The following CLCA2 variants were observed in gnomAD, a reference collection of about 807,000 sequenced individuals.
CLCA2 encodes the protein chloride channel accessory 2.
Under a neutral mutation model 82.9 loss-of-function variants are expected in CLCA2, and 85 were observed. The ratio of observed to expected loss-of-function variants is 1.03; its 90% CI spans 0.86 to 1.23. The LOEUF (loss-of-function observed/expected upper bound fraction) is 1.23, where lower values mean the gene tolerates loss of function less well. CLCA2 is among the 50% of genes most tolerant of loss of function. The pLI, the probability that CLCA2 is intolerant of heterozygous loss-of-function variation, is 0.00. For missense variants in CLCA2, 1,089 were observed against 1,124.8 expected (o/e 0.97, Z 0.45); for synonymous variants, 421 against 391.7 (o/e 1.07, Z -0.88).
chr1:86,450,623 A>G lies in CLCA2; in HGVS notation c.2045A>G (p.Asn682Ser). Residue 682 changes from asparagine (N) to serine (S), a missense_variant, in exon 12 of 14, where the codon AAT (asparagine) becomes AGT (serine). Transcript: ENST00000370565. ...AGGTATTTTTTCTCCTTTGCTGCAA[A>G]TGGTAGATATAGCTTGAAAGTGCAT... The part of the protein sequence containing the change: ...YSRYFFSFAA[N>S]GRYSLKVHVN... 1 of 1,613,160 alleles carries G rather than the reference A, an allele frequency of 6.2e-7. No homozygotes were observed. Among genetic ancestry groups the G allele is most frequent in the Non-Finnish European group, 8.5e-7 (1 of 1,179,484 alleles).
intron 4 of CLCA2, among the ~76,000 whole-genome samples, chr1:86,431,998 C>T (rs772075615): frequency 5.9e-5 from 9 of 152,180 alleles, no homozygotes; most frequent in Non-Finnish European, 1.0e-4. Context: ...TGCAATGGCA[C>T]GATTTCGGCT....
At position 86,439,480 on chromosome 1, in the gene CLCA2, G is replaced by C. The variant is rs144289754; in HGVS notation, c.1203+374G>C. On this transcript the variant is annotated intron_variant, in intron 7 of 13. Transcript: ENST00000370565. ...GTCAAAATCAGCATGTCTAGCTTCT[G>C]TCTATAGTCATTCTAGACTTCACGC... Among the ~76,000 whole-genome samples the C allele has an allele frequency of 2.9e-3, 437 of 152,262 alleles. 1 individual carries two copies. Among genetic ancestry groups the C allele is most frequent in the Non-Finnish European group, 3.1e-3 (210 of 68,020 alleles).
In CLCA2 at chr1:86,455,140, T is replaced by C. The variant is rs773185036; in HGVS notation, c.2445T>C (p.Phe815=). 6.2e-7 allele frequency: 1 copy of C among 1,610,164 alleles called. No individual in the cohort carries two copies. Among genetic ancestry groups the C allele is most frequent in the South Asian group, 1.1e-5 (1 of 90,674 alleles). Residue 815 remains phenylalanine (F), a synonymous_variant, in exon 14 of 14, where the codon TTT becomes TTC. Transcript: ENST00000370565. ...GTCTACAGAATATCCAAGATGACTT[T>C]AACAATGCTATTTTAGTAAATACAT... ...SKSLQNIQDD[F]NNAILVNTSK... is the part of the protein sequence containing the mutation.
At chr1:86,424,743 G>A (rs1662357002) in intron 1 of CLCA2, among the ~76,000 whole-genome samples, 1 of 152,108 alleles carries the variant, frequency 6.6e-6, no homozygotes. Flanking sequence ...ACAACCCATT[G>A]TGGCAACAAA....
In CLCA2 at chr1:86,432,417, C is replaced by T. The variant is rs1288731332; in HGVS notation, c.633C>T (p.Cys211=). 6.2e-7 allele frequency: 1 copy of T among 1,613,914 alleles called. No homozygotes were observed. The highest frequency in any genetic ancestry group is 1.7e-5 in the Admixed American group (1 of 60,000). ...TTTTTGTGTGTGAAAAAGGTCCTTG[C>T]CCCCAAGAAAACTGTATTATTAGTA... ...TGIFVCEKGP[C]PQENCIISKL... is the part of the protein sequence containing the mutation. The change falls in exon 5 of 14, where the codon TGC becomes TGT. Residue 211 remains cysteine, a synonymous_variant. Transcript: ENST00000370565.
intron 5 of CLCA2, 57 bp downstream of exon 5, chr1:86,432,585 C>T: frequency 6.4e-7 from 1 of 1,554,078 alleles, no homozygotes; most frequent in East Asian, 2.3e-5. Context: ...TCCCATGTTT[C>T]AAGTATTTAA....
chr1:86,435,189 G>C (rs563415765), intron 6 of CLCA2, among the ~76,000 whole-genome samples: 2 of 152,214 alleles, frequency 1.3e-5, no homozygotes, highest in Admixed American at 6.5e-5. Context: ...TATTTTTTGG[G>C]GGTTGGGAGG....
chr1:86,424,534 C>T (rs1261923348), intron 1 of CLCA2, 101 bp downstream of exon 1: 1 of 932,248 alleles, frequency 1.1e-6, no homozygotes, highest in African/African-American at 1.7e-5. Flanking sequence ...TTGAGTAATA[C>T]AGAGAACAGC....
intron 8 of CLCA2, among the ~76,000 whole-genome samples, chr1:86,440,748 A>C (rs1015479215): frequency 6.6e-6 from 1 of 152,058 alleles, no homozygotes; most frequent in Non-Finnish European, 1.5e-5. Context: ...TAAAAATACA[A>C]AAATTAGCAG....
intron 8 of CLCA2, 126 bp downstream of exon 8, chr1:86,440,451 C>A: frequency 2.3e-6 from 2 of 880,722 alleles, no homozygotes; most frequent in South Asian, 1.9e-5. Flanking sequence ...AAAACGCACA[C>A]ACATATTGCT....
chr1:86,445,627 C>A (rs1480018580), intron 10 of CLCA2: 1 of 152,010 alleles, frequency 6.6e-6, no homozygotes. Flanking sequence ...TCCCCTCTCC[C>A]ATGGTAGAAT....
rs1446600907 is a variant in CLCA2, at chr1:86,428,270, CAATTTT to C, written c.325-147_325-142del. ...ACTCCATCCACAAGGTGTTTTTCTT[CAATTTT>C]GTTTTTAAATTGGGTTATAATTACA... is the stretch of plus-strand genomic sequence containing the variant. On this transcript the variant is annotated intron_variant, in intron 2 of 13. Coordinates refer to ENST00000370565, the MANE Select transcript of CLCA2 (RefSeq NM_006536.7). The C allele has an allele frequency of 5.0e-5, 32 of 637,278 alleles. 1 individual carries two copies. Among genetic ancestry groups the C allele is most frequent in the Non-Finnish European group, 7.5e-5 (32 of 428,344 alleles). 39.5% of individuals were successfully genotyped at this position (637,278 alleles called of 1,614,324 possible).
rs1662520051 is a variant in CLCA2, at chr1:86,432,422, A to G, written c.638A>G (p.Gln213Arg). The change falls in exon 5 of 14, where the codon CAA becomes CGA. Residue 213 changes from glutamine (Q) to arginine (R), a missense_variant. Physicochemically the swap from Gln to Arg is conservative, Grantham distance 43. Transcript: ENST00000370565. ...GTGTGTGAAAAAGGTCCTTGCCCCC[A>G]AGAAAACTGTATTATTAGTAAGCTT... ...IFVCEKGPCP[Q>R]ENCIISKLFK... is the part of the protein sequence containing the mutation. The G allele has an allele frequency of 6.2e-7, 1 of 1,613,944 alleles. No individual in the cohort carries two copies. The highest frequency in any genetic ancestry group is 2.2e-5 in the East Asian group (1 of 44,878).
In CLCA2 at chr1:86,455,510, G is replaced by A; in HGVS notation, c.2815G>A (p.Gly939Arg). ...RKKRADKKEN[G>R]TKLL is the part of the protein sequence containing the mutation. ...AAAGAGAGCAGACAAGAAAGAGAAT[G>A]GAACAAAATTATTATAAATAAATAT... The change falls in exon 14 of 14, where the codon GGA (glycine) becomes AGA (arginine). Residue 939 changes from glycine (G) to arginine (R), a missense_variant. Gly to Arg is a moderately radical substitution (Grantham distance 125). Coordinates refer to ENST00000370565, the MANE Select transcript of CLCA2 (RefSeq NM_006536.7). 6.8e-7 allele frequency: 1 copy of A among 1,473,572 alleles called. No individual in the cohort carries two copies. The highest frequency in any genetic ancestry group is 9.0e-7 in the Non-Finnish European group (1 of 1,112,468). 91.3% of individuals were successfully genotyped at this position (1,473,572 alleles called of 1,614,324 possible).
chr1:86,432,874 A>G (rs1931363), intron 5 of CLCA2, among the ~76,000 whole-genome samples: 98,815 of 151,966 alleles, frequency 0.65, 32,715 homozygotes, highest in South Asian at 0.72. Flanking sequence ...TCTCGTTTGA[A>G]GTAGCAGACC....
intron 5 of CLCA2, among the ~76,000 whole-genome samples, chr1:86,433,379 A>G (rs569600736): frequency 6.6e-6 from 1 of 152,314 alleles, no homozygotes; most frequent in African/African-American, 2.4e-5. Flanking sequence ...TGGCTGACCA[A>G]TGCCCCTTGG....
chr1:86,426,046 T>C (rs1219397882), intron 2 of CLCA2, among the ~76,000 whole-genome samples: 2 of 152,060 alleles, frequency 1.3e-5, no homozygotes, highest in East Asian at 1.9e-4. Flanking sequence ...CCTTTTTTTT[T>C]CCACCTATAG....
chr1:86,454,453 C>A (rs1348601858), intron 13 of CLCA2, among the ~76,000 whole-genome samples: 1 of 152,018 alleles, frequency 6.6e-6, no homozygotes, highest in Non-Finnish European at 1.5e-5. Context: ...TATGAATTTA[C>A]AATAAACTTG....
rs368041893 is a variant in CLCA2 at position 86,441,508 on chromosome 1, T to C, written c.1453T>C (p.Ser485Pro). 1.7e-5 allele frequency: 28 copies of C among 1,612,286 alleles called. No individual in the cohort carries two copies. Among genetic ancestry groups the C allele is most frequent in the Non-Finnish European group, 2.3e-5 (27 of 1,178,676 alleles). Residue 485 changes from serine (S) to proline (P), a missense_variant, in exon 9 of 14, where the codon TCT (serine) becomes CCT (proline). Physicochemically the swap from Ser to Pro is moderately conservative, Grantham distance 74 (BLOSUM62 -1). Coordinates refer to ENST00000370565, the MANE Select transcript of CLCA2 (RefSeq NM_006536.7). ...GATTGATGCTTTCAGTAGAATTTCC[T>C]CTGGAACTGGAGACATTTTCCAGCA... ...SMIDAFSRIS[S>P]GTGDIFQQHI...
Sources: gnomAD v4.1 joint callset for allele counts (sites outside exome capture counted in the v4.1 genomes callset) on GRCh38, gnomAD v4.1.1 for gene constraint, MANE v1.5 for transcripts, NCBI Gene and HGNC (gene_info 2026-07-23, HGNC 2026-07-21) for gene names.